The following HDAC9 variants were observed in gnomAD, a reference collection of about 807,000 sequenced individuals.
HDAC9 encodes histone deacetylase 9.
HDAC9 carries 41 observed loss-of-function variants against 139.4 expected under a neutral mutation model. The ratio of observed to expected loss-of-function variants is 0.29; its 90% CI spans 0.23 to 0.38. HDAC9 has a LOEUF of 0.38. Among genes scored for constraint, HDAC9 ranks in the 10% least tolerant of loss-of-function variants. The probability of loss-of-function intolerance (pLI) is 1.00; values close to 1 mark genes in which losing one functional copy is unlikely to be tolerated. For missense variants in HDAC9, 1,147 were observed against 1,297.0 expected (o/e 0.88, Z 1.78); for synonymous variants, 517 against 476.2 (o/e 1.09, Z -1.12).
chr7:18,599,417 T>C (rs952238330), intron 6 of HDAC9, among the ~76,000 whole-genome samples: 3 of 152,198 alleles, frequency 2.0e-5, no homozygotes, highest in Admixed American at 6.5e-5. Flanking sequence ...CAGAATGATA[T>C]AGAATAGTTT....
chr7:18,508,025 A>G (rs1298912589), intron 2 of HDAC9, among the ~76,000 whole-genome samples: 3 of 152,198 alleles, frequency 2.0e-5, no homozygotes, highest in Non-Finnish European at 4.4e-5. Flanking sequence ...AGAGTCATTT[A>G]TCGGTTCATT....
chr7:18,277,067 A>G (rs1483664050), intron 2 of HDAC9, among the ~76,000 whole-genome samples: 2 of 149,350 alleles, frequency 1.3e-5, no homozygotes, highest in African/African-American at 5.0e-5. Context: ...CAGTAATCAT[A>G]GATAGTTACA....
At chr7:18,985,605 A>G (rs921355014) in intron 25 of HDAC9, among the ~76,000 whole-genome samples, 2 of 149,004 alleles carry the variant, frequency 1.3e-5, no homozygotes, top group East Asian at 4.0e-4. Flanking sequence ...TGGCTGGGTC[A>G]AATGGTATTT....
chr7:19,001,053 A>C lies in HDAC9; in HGVS notation c.*4991A>C, dbSNP rs10266369. The C allele has an allele frequency of 7.2e-5, 11 of 152,288 alleles. No homozygotes were observed. In the East Asian group the frequency reaches 1.5e-3, roughly 21 times the overall value. 9.4% of individuals were successfully genotyped at this position (152,288 alleles called of 1,614,324 possible). On this transcript the variant is annotated 3_prime_UTR_variant, in exon 26 of 26. Coordinates refer to ENST00000686413, the MANE Select transcript of HDAC9 (RefSeq NM_178425.4). The stretch of plus-strand genomic sequence containing the variant: ...TTTAGTTATTGTATTTTGGTCTACA[A>C]TTTTGGACTTGGCAGTTTGTTTTAC...
chr7:18,837,398 T>C (rs1250658567), intron 21 of HDAC9, among the ~76,000 whole-genome samples: 1 of 152,048 alleles, frequency 6.6e-6, no homozygotes, highest in African/African-American at 2.4e-5. Context: ...CCATTACATT[T>C]GCAAATTTCA....
intron 2 of HDAC9, among the ~76,000 whole-genome samples, chr7:18,249,610 G>C (rs1176450456): frequency 6.6e-6 from 1 of 151,036 alleles, no homozygotes; most frequent in Non-Finnish European, 1.5e-5. Flanking sequence ...CTTCAAGTGA[G>C]CAAATCTGTC....
chr7:18,175,383 G>C (rs1447758218), intron 2 of HDAC9, among the ~76,000 whole-genome samples: 1 of 152,198 alleles, frequency 6.6e-6, no homozygotes, highest in African/African-American at 2.4e-5. Context: ...CCTTGGCTAG[G>C]AAAGGGAATT....
intron 8 of HDAC9, 23 bp downstream of exon 8, chr7:18,634,765 T>G: frequency 6.7e-7 from 1 of 1,490,400 alleles, no homozygotes; most frequent in Non-Finnish European, 9.2e-7. Context: ...TTATTTTGTT[T>G]CTTTTAAAAA....
intron 1 of HDAC9, among the ~76,000 whole-genome samples, chr7:18,370,937 T>G (rs1429846718): frequency 6.6e-6 from 1 of 152,160 alleles, no homozygotes. Flanking sequence ...TGTCATCACA[T>G]AAACAGAACC....
intron 24 of HDAC9, among the ~76,000 whole-genome samples, chr7:18,968,883 C>T (rs375687484): frequency 1.5e-5 from 2 of 134,166 alleles, no homozygotes; most frequent in South Asian, 2.4e-4. Flanking sequence ...GGTGTGAACC[C>T]GGGAGGCAGA....
At chr7:18,633,164 G>T (rs1782862392) in intron 7 of HDAC9, among the ~76,000 whole-genome samples, 1 of 152,086 alleles carries the variant, frequency 6.6e-6, no homozygotes, top group South Asian at 2.1e-4. Context: ...TTAGGTGAAT[G>T]TCTGAATTTA....
At chr7:18,576,830 A>G (rs942480758) in intron 2 of HDAC9, among the ~76,000 whole-genome samples, 1 of 152,192 alleles carries the variant, frequency 6.6e-6, no homozygotes, top group Non-Finnish European at 1.5e-5. Flanking sequence ...TCCCAGTAGT[A>G]CCTGTACATA....
chr7:18,605,546 C>T (rs572822750), intron 6 of HDAC9, among the ~76,000 whole-genome samples: 80 of 152,298 alleles, frequency 5.3e-4, no homozygotes, highest in African/African-American at 1.1e-3. Flanking sequence ...CCCTCTCCCA[C>T]GCCTACTCCC....
At chr7:18,241,276 T>C (rs994632733) in intron 2 of HDAC9, among the ~76,000 whole-genome samples, 1 of 152,220 alleles carries the variant, frequency 6.6e-6, no homozygotes, top group African/African-American at 2.4e-5. Context: ...TTTTTGCAAA[T>C]GAAAATGTGA....
intron 1 of HDAC9, among the ~76,000 whole-genome samples, chr7:18,093,412 G>A (rs1421617895): frequency 1.3e-5 from 2 of 152,174 alleles, no homozygotes; most frequent in Non-Finnish European, 2.9e-5. Flanking sequence ...TACAATTGCT[G>A]TTGGGTTCCA....
intron 11 of HDAC9, among the ~76,000 whole-genome samples, chr7:18,649,689 G>A (rs1220429489): frequency 6.6e-6 from 1 of 152,086 alleles, no homozygotes. Flanking sequence ...CGGCAGTAGG[G>A]GAAAGGGATC....
chr7:18,102,509 T>G (rs1390234403), intron 1 of HDAC9, among the ~76,000 whole-genome samples: 3 of 152,218 alleles, frequency 2.0e-5, no homozygotes, highest in Non-Finnish European at 4.4e-5. Context: ...GAATAAAGGT[T>G]AGGCCAGATT....
At chr7:18,980,241 T>C (rs981676117) in intron 25 of HDAC9, among the ~76,000 whole-genome samples, 16 of 152,188 alleles carry the variant, frequency 1.1e-4, no homozygotes, top group African/African-American at 3.6e-4. Context: ...TTATGTATTT[T>C]GGGGTTCAGT....
intron 2 of HDAC9, among the ~76,000 whole-genome samples, chr7:18,199,842 A>G (rs1014111435): frequency 5.3e-5 from 8 of 150,708 alleles, no homozygotes; most frequent in Non-Finnish European, 1.0e-4. Flanking sequence ...GGGAGCGAGG[A>G]TTGCTGGAGC....
Sources: allele counts gnomAD v4.1 joint callset (sites outside exome capture counted in the v4.1 genomes callset), GRCh38; gene constraint gnomAD v4.1.1; transcripts MANE v1.5; gene names NCBI Gene and HGNC (gene_info 2026-07-23, HGNC 2026-07-21).